The following ADD3 variants were observed in gnomAD, a reference collection of about 807,000 sequenced individuals.
ADD3 encodes adducin 3.
A neutral mutation model predicts 80.2 loss-of-function variants in ADD3; 25 were observed. The observed-to-expected ratio is 0.31, with a 90% CI of 0.23 to 0.44. The LOEUF is 0.44. Ranked by LOEUF, ADD3 falls within the 20% of genes least tolerant of loss-of-function variation. The probability of loss-of-function intolerance (pLI) is 1.00; values close to 1 mark genes in which losing one functional copy is unlikely to be tolerated. For missense variants in ADD3, 829 were observed against 847.5 expected (o/e 0.98, Z 0.27); for synonymous variants, 284 against 289.6 (o/e 0.98, Z 0.20).
chr10:110,020,561 G>A lies in ADD3; in HGVS notation c.-30+12262G>A, dbSNP rs190509219. On this transcript the variant is annotated intron_variant, in intron 1 of 14. Coordinates refer to ENST00000356080, the MANE Select transcript of ADD3 (RefSeq NM_016824.5). ...ATAACTGGCATGGATGAAGCAGAAC[G>A]TGGTGGGGATAATGGGAAGCCACTG... 9.2e-5 allele frequency among the ~76,000 whole-genome samples: 14 copies of A among 152,294 alleles called. No individual in the cohort carries two copies. The East Asian group carries it at 2.1e-3, about 23-fold the overall frequency.
At chr10:110,069,300 ACTT>A (rs1844385836) in intron 1 of ADD3, among the ~76,000 whole-genome samples, 1 of 152,090 alleles carries the variant, frequency 6.6e-6, no homozygotes, top group African/African-American at 2.4e-5. Flanking sequence ...ATTTATTTGT[ACTT>A]CAGTGTGGAA....
chr10:110,054,257 A>G lies in ADD3; in HGVS notation c.-30+45958A>G, dbSNP rs564545743. On this transcript the variant is annotated intron_variant, in intron 1 of 14. Transcript: ENST00000356080. ...TATAGTACATTTTCAGAAATCAAGA[A>G]TGTAGTATAAAGATTAAGAGCCATA... Among the ~76,000 whole-genome samples the G allele has an allele frequency of 3.3e-5, 5 of 152,274 alleles. No individual in the cohort carries two copies. In the South Asian group the frequency reaches 1.0e-3, roughly 32 times the overall value.
intron 1 of ADD3, among the ~76,000 whole-genome samples, chr10:110,042,983 A>C (rs1288975169): frequency 6.6e-6 from 1 of 152,048 alleles, no homozygotes; most frequent in Non-Finnish European, 1.5e-5. Flanking sequence ...TTTTTAAATA[A>C]TGATCACGTA....
At chr10:110,053,098 A>G (rs1857716829) in intron 1 of ADD3, among the ~76,000 whole-genome samples, 1 of 152,216 alleles carries the variant, frequency 6.6e-6, no homozygotes, top group South Asian at 2.1e-4. Context: ...ACAGCTTCCC[A>G]GTAGTACAGT....
intron 2 of ADD3, among the ~76,000 whole-genome samples, chr10:110,110,137 G>A (rs762591766): frequency 6.6e-6 from 1 of 152,156 alleles, no homozygotes; most frequent in Non-Finnish European, 1.5e-5. Context: ...GTCACAATTA[G>A]TATTTTTAAA....
intron 11 of ADD3, 150 bp downstream of exon 11, chr10:110,126,095 T>C (rs1590236497): frequency 2.5e-6 from 2 of 790,000 alleles, no homozygotes; most frequent in East Asian, 5.4e-5. Context: ...TTATATTGAA[T>C]GCCTCCAGCT....
chr10:110,048,847 A>G (rs1418963469), intron 1 of ADD3, among the ~76,000 whole-genome samples: 1 of 152,234 alleles, frequency 6.6e-6, no homozygotes, highest in African/African-American at 2.4e-5. Flanking sequence ...GAGAAATTCA[A>G]GCTGGCTGCA....
chr10:110,014,067 C>G (rs1252049122), intron 1 of ADD3, among the ~76,000 whole-genome samples: 1 of 152,136 alleles, frequency 6.6e-6, no homozygotes, highest in Non-Finnish European at 1.5e-5. Context: ...TGACTAAATG[C>G]TAGAGCAGAA....
chr10:110,029,156 G>A (rs1243691788), intron 1 of ADD3, among the ~76,000 whole-genome samples: 1 of 152,150 alleles, frequency 6.6e-6, no homozygotes, highest in African/African-American at 2.4e-5. Flanking sequence ...TGAGATTATC[G>A]GCGTGAGCCA....
intron 1 of ADD3, among the ~76,000 whole-genome samples, chr10:110,054,614 CTTT>C (rs1217850834): frequency 4.1e-5 from 5 of 121,008 alleles, no homozygotes; most frequent in Non-Finnish European, 3.6e-5. Flanking sequence ...GGCAAAATTT[CTTT>C]TTTTTTTTTT....
chr10:110,096,248 A>C (rs1322888269), intron 1 of ADD3, among the ~76,000 whole-genome samples: 1 of 152,316 alleles, frequency 6.6e-6, no homozygotes, highest in East Asian at 1.9e-4. Context: ...CATGTTTTCT[A>C]GTTTTCAAGT....
At chr10:110,086,241 C>T (rs1007345157) in intron 1 of ADD3, among the ~76,000 whole-genome samples, 11 of 152,010 alleles carry the variant, frequency 7.2e-5, no homozygotes, top group African/African-American at 1.5e-4. Flanking sequence ...GAAACCTCAT[C>T]TCTACTAAAT....
At chr10:110,130,712 C>T (rs188111084) in intron 13 of ADD3, among the ~76,000 whole-genome samples, 7 of 152,050 alleles carry the variant, frequency 4.6e-5, no homozygotes, top group East Asian at 1.9e-4. Flanking sequence ...AAAAATTAGC[C>T]GGGCATGGTG....
intron 1 of ADD3, among the ~76,000 whole-genome samples, chr10:110,021,265 A>G (rs1853634301): frequency 6.6e-6 from 1 of 152,234 alleles, no homozygotes. Flanking sequence ...AAATAAAAAT[A>G]GTGTTGTTAC....
rs918640931 is a variant in ADD3, at chr10:110,118,724, T to G, written c.705T>G (p.Leu235=). 6.2e-7 allele frequency: 1 copy of G among 1,613,528 alleles called. No homozygotes were observed. Among genetic ancestry groups the G allele is most frequent in the African/African-American group, 1.3e-5 (1 of 74,918 alleles). The change falls in exon 6 of 15, where the codon CTT becomes CTG. Residue 235 remains leucine (L), a synonymous_variant. Transcript: ENST00000356080. ...AGTGTGTGATACACATCCATACCCT[T>G]GCAACAGCAGCTGTAAGTCAATGAA... The part of the protein sequence containing the change: ...DVKCVIHIHT[L]ATAAVSSMKC...
intron 1 of ADD3, among the ~76,000 whole-genome samples, chr10:110,090,173 AC>A (rs1384874026): frequency 7.1e-6 from 1 of 141,698 alleles, no homozygotes; most frequent in Non-Finnish European, 1.5e-5. Flanking sequence ...TCTTTGAATC[AC>A]CCTGTTGAAT....
intron 1 of ADD3, among the ~76,000 whole-genome samples, chr10:110,096,214 T>G (rs1848132305): frequency 6.6e-6 from 1 of 152,214 alleles, no homozygotes; most frequent in African/African-American, 2.4e-5. Flanking sequence ...CCTAGAAATC[T>G]TAGTGAGCTC....
At chr10:110,126,571 T>A in intron 12 of ADD3, 68 bp downstream of exon 12, 1 of 1,139,324 alleles carries the variant, frequency 8.8e-7, no homozygotes, top group Non-Finnish European at 1.3e-6. Flanking sequence ...TTTTTAAATA[T>A]GAATATTTAT....
chr10:110,091,833 T>G (rs1847553145), intron 1 of ADD3, among the ~76,000 whole-genome samples: 1 of 152,182 alleles, frequency 6.6e-6, no homozygotes, highest in African/African-American at 2.4e-5. Flanking sequence ...TAGAAAATAT[T>G]TACAAACTAT....
Sources: gnomAD v4.1 joint callset for allele counts (sites outside exome capture counted in the v4.1 genomes callset) on GRCh38, gnomAD v4.1.1 for gene constraint, MANE v1.5 for transcripts, NCBI Gene and HGNC (gene_info 2026-07-23, HGNC 2026-07-21) for gene names.